The following TELO2 variants were observed in gnomAD, a reference collection of about 807,000 sequenced individuals.
The protein encoded by TELO2 is telomere length regulation protein TEL2 homolog.
In TELO2, 71 loss-of-function variants were observed where a neutral mutation model predicts 91.0. The ratio of observed to expected loss-of-function variants is 0.78; its 90% CI spans 0.64 to 0.95. TELO2 has a LOEUF of 0.95. Ranked by LOEUF, TELO2 falls within the 40% of genes least tolerant of loss-of-function variation. The pLI is 0.00. For synonymous variants in TELO2, 584 were observed against 518.9 expected (o/e 1.13, Z -1.71); for missense variants, 1,183 against 1,141.3 (o/e 1.04, Z -0.53).
At position 1,500,678 on chromosome 16, in the gene TELO2, G is replaced by A; in HGVS notation, c.1260G>A (p.Glu420=). ...AEVVSARIHP[E]GPPLKFQYEE... The stretch of plus-strand genomic sequence containing the variant: ...TCGTTAGTGCCCGGATCCACCCCGA[G>A]GGGCCTCCCCTGAAATTCCAGGTGA... The change falls in exon 9 of 21, where the codon GAG becomes GAA. Residue 420 remains glutamate (E), a synonymous_variant. Coordinates refer to ENST00000262319, the MANE Select transcript of TELO2 (RefSeq NM_016111.4). 6.2e-7 allele frequency: 1 copy of A among 1,612,496 alleles called. No homozygotes were observed. Among genetic ancestry groups the A allele is most frequent in the South Asian group, 1.1e-5 (1 of 91,078 alleles).
At position 1,500,147 on chromosome 16, in the gene TELO2, C is replaced by T. The variant is rs376477414; in HGVS notation, c.985C>T (p.Arg329Cys). ...LGHLAMDSQR[R>C]PLLLQVLKEL... is the part of the protein sequence containing the mutation. ...CCATCTGGCCATGGACAGCCAGCGG[C>T]GCCCGCTCCTGCTGCAGGTACGTGC... The change falls in exon 7 of 21, where the codon CGC (arginine) becomes TGC (cysteine). Residue 329 changes from arginine (R) to cysteine (C), a missense_variant. Physicochemically the swap from Arg to Cys is radical, Grantham distance 180. Coordinates refer to ENST00000262319, the MANE Select transcript of TELO2 (RefSeq NM_016111.4). 48 of 1,606,580 alleles carry T rather than the reference C, an allele frequency of 3.0e-5. No individual in the cohort carries two copies. The highest frequency in any genetic ancestry group is 1.6e-4 in the African/African-American group (12 of 74,874).
intron 15 of TELO2, among the ~76,000 whole-genome samples, chr16:1,503,490 G>T (rs1316760416): frequency 6.6e-6 from 1 of 152,088 alleles, no homozygotes; most frequent in South Asian, 2.1e-4. Flanking sequence ...GGTGGAGGCC[G>T]CAGTGGAGCT....
At position 1,509,952 on chromosome 16, in the gene TELO2, C is replaced by A; in HGVS notation, c.*16C>A. Reference sequence around the variant, plus strand: ...GTCTCCCTAGTCCCTGGAGGCCTCCCCAGGACCACCCTCGCCGACAGCAAG... The same window carrying A: ...GTCTCCCTAGTCCCTGGAGGCCTCCACAGGACCACCCTCGCCGACAGCAAG... On this transcript the variant is annotated 3_prime_UTR_variant, in exon 21 of 21. Coordinates refer to ENST00000262319, the MANE Select transcript of TELO2 (RefSeq NM_016111.4). The A allele has an allele frequency of 6.4e-7, 1 of 1,572,542 alleles. No individual in the cohort carries two copies. Among genetic ancestry groups the A allele is most frequent in the Non-Finnish European group, 8.6e-7 (1 of 1,158,824 alleles).
chr16:1,507,495 A>G, intron 19 of TELO2, 106 bp from the exon 20 acceptor site: 1 of 1,497,074 alleles, frequency 6.7e-7, no homozygotes, highest in Non-Finnish European at 9.0e-7. Flanking sequence ...CCAAATAGGA[A>G]GTGTGCCAGG....
rs750055685 is a variant in TELO2 at position 1,507,703 on chromosome 16, G to C, written c.2394G>C (p.Arg798=). Residue 798 remains arginine, a synonymous_variant, in exon 20 of 21, where the codon CGG becomes CGC. Coordinates refer to ENST00000262319, the MANE Select transcript of TELO2 (RefSeq NM_016111.4). Reference sequence around the variant, plus strand: ...TGATGGACGAGCTGCTGGAAGCCCGGTCCTGGCTGGCGGGTGAGTGTCGGC... The same window carrying C: ...TGATGGACGAGCTGCTGGAAGCCCGCTCCTGGCTGGCGGGTGAGTGTCGGC... The part of the protein sequence containing the change: ...EDLMDELLEA[R]SWLADVAEKD... 6.2e-7 allele frequency: 1 copy of C among 1,603,756 alleles called. No homozygotes were observed. The highest frequency in any genetic ancestry group is 8.5e-7 in the Non-Finnish European group (1 of 1,179,638).
intron 9 of TELO2, among the ~76,000 whole-genome samples, chr16:1,501,038 G>A (rs751759694): frequency 1.3e-5 from 2 of 152,204 alleles, no homozygotes; most frequent in African/African-American, 2.4e-5. Context: ...GCTCTGGGTC[G>A]GTGGCCGTGG....
Position 1,503,118 on chromosome 16 carries a change from A to G in TELO2, c.1842+116A>G, listed in dbSNP as rs1030272535. On this transcript the variant is annotated intron_variant, in intron 15 of 20. Coordinates refer to ENST00000262319, the MANE Select transcript of TELO2 (RefSeq NM_016111.4). ...CCCAAGGGCTCGTGCAGGCCTGTCCACTGCCTTCGTGAGTGTGTGACCCGG... is the reference window on the plus strand; with the variant it reads ...CCCAAGGGCTCGTGCAGGCCTGTCCGCTGCCTTCGTGAGTGTGTGACCCGG... The G allele has an allele frequency of 2.6e-6, 3 of 1,162,432 alleles. No individual in the cohort carries two copies. In the African/African-American group the frequency reaches 4.5e-5, roughly 18 times the overall value. The allele number at this position is 1,162,432 out of a possible 1,614,324, so 72.0% of individuals were successfully genotyped here. A position where few individuals can be genotyped will look rare whatever the true frequency, so the allele number is the denominator to read the frequency against.
chr16:1,507,640 C>G lies in TELO2; in HGVS notation c.2331C>G (p.Val777=), dbSNP rs144453567. ...GGCTGTTGTCGGCCGTCTCCTCCGT[C>G]CTGCTCAGCCTGCCTGCTGCGCGCC... ...RQGLLSAVSS[V]LLSLPAARLL... Residue 777 remains valine, a synonymous_variant, in exon 20 of 21, where the codon GTC becomes GTG. Coordinates refer to ENST00000262319, the MANE Select transcript of TELO2 (RefSeq NM_016111.4). 7.4e-5 allele frequency: 119 copies of G among 1,599,878 alleles called. No homozygotes were observed. The African/African-American group carries it at 1.4e-3, about 19-fold the overall frequency.
chr16:1,509,762 G>A, intron 20 of TELO2, 68 bp from the exon 21 acceptor site: 2 of 1,453,856 alleles, frequency 1.4e-6, no homozygotes, highest in Non-Finnish European at 1.9e-6. Flanking sequence ...CAGGCAGACT[G>A]AAGACAGGAG....
intron 14 of TELO2, 41 bp from the exon 15 acceptor site, chr16:1,502,890 T>C (rs2039751377): frequency 6.2e-7 from 1 of 1,607,150 alleles, no homozygotes; most frequent in African/African-American, 1.3e-5. Context: ...CGGGTGGCCC[T>C]CAGGTCCCGG....
In TELO2 at chr16:1,507,381, T is replaced by G; in HGVS notation, c.2291+11T>G. The G allele has an allele frequency of 6.2e-7, 1 of 1,609,828 alleles. No homozygotes were observed. Among genetic ancestry groups the G allele is most frequent in the East Asian group, 2.2e-5 (1 of 44,870 alleles). On this transcript the variant is annotated intron_variant, in intron 19 of 20. Transcript: ENST00000262319. The stretch of plus-strand genomic sequence containing the variant: ...CTTCCACATCGATGCGTGAGTGGCC[T>G]GTGGGGCTGGGCCAGGCCAGGGGTG...
chr16:1,505,748 G>C lies in TELO2; in HGVS notation c.2034+147G>C. On this transcript the variant is annotated intron_variant, in intron 16 of 20. Coordinates refer to ENST00000262319, the MANE Select transcript of TELO2 (RefSeq NM_016111.4). This position sits in a 1 kb window ranked among gnomAD's most constrained non-coding sequence, Gnocchi z 4.3. The stretch of plus-strand genomic sequence containing the variant: ...TTTGCCGGGATTCCTGAAAGGCAGG[G>C]TCCATGGTTTGCACCGAGGAACTGG... The C allele has an allele frequency of 1.7e-6, 2 of 1,143,790 alleles. No homozygotes were observed. The highest frequency in any genetic ancestry group is 2.4e-6 in the Non-Finnish European group (2 of 826,506). The allele number at this position is 1,143,790 out of a possible 1,614,324, so 70.9% of individuals were successfully genotyped here.
Position 1,495,566 on chromosome 16 carries a change from C to G in TELO2, c.556C>G (p.Arg186Gly), listed in dbSNP as rs1327203863. Reference protein sequence around the residue: ...LAEFFPQNYFRLLGEEVVRVL... With the variant: ...LAEFFPQNYFGLLGEEVVRVL... ...CGAGTTCTTCCCCCAGAACTACTTC[C>G]GCCTGCTCGGCGAGGAGGTCGTCCG... The change falls in exon 3 of 21, where the codon CGC becomes GGC. Residue 186 changes from arginine to glycine, a missense_variant. Coordinates refer to ENST00000262319, the MANE Select transcript of TELO2 (RefSeq NM_016111.4). 6.2e-7 allele frequency: 1 copy of G among 1,610,700 alleles called. No homozygotes were observed. The highest frequency in any genetic ancestry group is 1.7e-5 in the Admixed American group (1 of 60,016).
In TELO2 at chr16:1,494,243, C is replaced by A; in HGVS notation, c.-36-3C>A. 6.3e-7 allele frequency: 1 copy of A among 1,580,446 alleles called. No individual in the cohort carries two copies. The highest frequency in any genetic ancestry group is 8.6e-7 in the Non-Finnish European group (1 of 1,156,410). On this transcript the variant is annotated splice_region_variant and splice_polypyrimidine_tract_variant and intron_variant, in intron 1 of 20. Transcript: ENST00000262319. The surrounding 1 kb of genome is among the most constrained non-coding windows in gnomAD (Gnocchi z 5.6). Reference sequence around the variant, plus strand: ...CAAGCTGAGCCCTGTGTCCATGTCACAGGTCGTCTTCCCGTGACGCCCAGA... The same window carrying A: ...CAAGCTGAGCCCTGTGTCCATGTCAAAGGTCGTCTTCCCGTGACGCCCAGA...
intron 6 of TELO2, among the ~76,000 whole-genome samples, chr16:1,499,539 T>C (rs2039602301): frequency 6.7e-6 from 1 of 148,816 alleles, no homozygotes; most frequent in Non-Finnish European, 1.5e-5. Flanking sequence ...GCTTCTCATG[T>C]GTCAATCTTC....
rs1281174511 is a variant in TELO2 at position 1,505,232 on chromosome 16, AC to A, written c.1843-176del. On this transcript the variant is annotated intron_variant, in intron 15 of 20. Coordinates refer to ENST00000262319, the MANE Select transcript of TELO2 (RefSeq NM_016111.4). This position sits in a 1 kb window ranked among gnomAD's most constrained non-coding sequence, Gnocchi z 4.3. Reference sequence around the variant, plus strand: ...GCCCACCTTCCCCACCTTCCCGCCTACCAAGGCGCGGTTGCTGTGAGCTACG... The same window carrying A: ...GCCCACCTTCCCCACCTTCCCGCCTACAAGGCGCGGTTGCTGTGAGCTACG... 1.0e-5 allele frequency: 7 copies of A among 688,596 alleles called. No homozygotes were observed. Among genetic ancestry groups the A allele is most frequent in the Non-Finnish European group, 1.4e-5 (6 of 425,434 alleles). The allele number at this position is 688,596 out of a possible 1,614,324, so 42.7% of individuals were successfully genotyped here. A position where few individuals can be genotyped will look rare whatever the true frequency, so the allele number is the denominator to read the frequency against.
Position 1,507,054 on chromosome 16 carries a change from G to T in TELO2, c.2226+3G>T. On this transcript the variant is annotated splice_donor_region_variant and intron_variant, in intron 18 of 20. Coordinates refer to ENST00000262319, the MANE Select transcript of TELO2 (RefSeq NM_016111.4). Reference sequence around the variant, plus strand: ...TGTGCCTGGCTGTTAACACCACGGTGAGCCGGGAGAGGTCGCCGGGCGCCG... The same window carrying T: ...TGTGCCTGGCTGTTAACACCACGGTTAGCCGGGAGAGGTCGCCGGGCGCCG... 1 of 1,603,608 alleles carries T rather than the reference G, an allele frequency of 6.2e-7. No homozygotes were observed. Among genetic ancestry groups the T allele is most frequent in the South Asian group, 1.1e-5 (1 of 89,696 alleles).
chr16:1,505,228 G>T lies in TELO2; in HGVS notation c.1843-182G>T. ...CGGTGCCCACCTTCCCCACCTTCCC[G>T]CCTACCAAGGCGCGGTTGCTGTGAG... On this transcript the variant is annotated intron_variant, in intron 15 of 20. Coordinates refer to ENST00000262319, the MANE Select transcript of TELO2 (RefSeq NM_016111.4). The surrounding 1 kb of genome is among the most constrained non-coding windows in gnomAD (Gnocchi z 4.3). The T allele has an allele frequency of 1.5e-6, 1 of 667,252 alleles. No individual in the cohort carries two copies. Among genetic ancestry groups the T allele is most frequent in the African/African-American group, 1.8e-5 (1 of 55,356 alleles). The allele number at this position is 667,252 out of a possible 1,614,324, so 41.3% of individuals were successfully genotyped here.
intron 5 of TELO2, among the ~76,000 whole-genome samples, chr16:1,498,029 C>CT (rs2039555400): frequency 1.1e-5 from 1 of 93,608 alleles, no homozygotes; most frequent in South Asian, 3.4e-4. Flanking sequence ...TTTTTTTTTT[C>CT]TTTTTGAGAT....
Sources: gnomAD v4.1 joint callset for allele counts (sites outside exome capture counted in the v4.1 genomes callset) on GRCh38, gnomAD v4.1.1 for gene constraint, Gnocchi (gnomAD v3.1) non-coding constraint, MANE v1.5 for transcripts, NCBI Gene and HGNC (gene_info 2026-07-23, HGNC 2026-07-21) for gene names.